The following MOB3B variants were observed in gnomAD, a reference collection of about 807,000 sequenced individuals.
MOB3B encodes MOB kinase activator-like 2B.
A neutral mutation model predicts 18.7 loss-of-function variants in MOB3B; 7 were observed. The observed-to-expected ratio is 0.37, with a 90% CI of 0.21 to 0.70. The LOEUF is 0.70. Ranked by LOEUF, MOB3B falls within the 30% of genes least tolerant of loss-of-function variation. MOB3B has a pLI of 0.52. For synonymous variants in MOB3B, 111 were observed against 99.9 expected (o/e 1.11, Z -0.66); for missense variants, 253 against 281.3 (o/e 0.90, Z 0.72).
At chr9:27,508,774 G>A (rs938937568) in intron 1 of MOB3B, among the ~76,000 whole-genome samples, 1 of 152,134 alleles carries the variant, frequency 6.6e-6, no homozygotes, top group Admixed American at 6.5e-5. Context: ...CAACATTAAT[G>A]TTATGCTTAA....
chr9:27,522,929 T>TATATATATATATATA (rs60042853), intron 1 of MOB3B, among the ~76,000 whole-genome samples: 18 of 151,200 alleles, frequency 1.2e-4, no homozygotes, highest in African/African-American at 3.9e-4. Context: ...ATATATATAT[T>TATATATATATATATA]TTTTTCCGTA....
intron 2 of MOB3B, among the ~76,000 whole-genome samples, chr9:27,390,082 G>GTA (rs916595088): frequency 7.2e-5 from 11 of 151,940 alleles, no homozygotes; most frequent in African/African-American, 2.2e-4. Flanking sequence ...ATATATGTGT[G>GTA]TATATATATA....
At chr9:27,415,750 TA>T (rs1822136254) in intron 2 of MOB3B, among the ~76,000 whole-genome samples, 1 of 152,188 alleles carries the variant, frequency 6.6e-6, no homozygotes, top group South Asian at 2.1e-4. Context: ...GCTTTAGATC[TA>T]AAAACAACTG....
intron 2 of MOB3B, among the ~76,000 whole-genome samples, chr9:27,420,667 A>G (rs1469826638): frequency 6.8e-6 from 1 of 146,780 alleles, no homozygotes; most frequent in African/African-American, 2.5e-5. Flanking sequence ...ATTGGAGACT[A>G]TTATTCTAAG....
At position 27,458,032 on chromosome 9, in the gene MOB3B, T is replaced by C. The variant is rs187634933; in HGVS notation, c.-198-2284A>G. On this transcript the variant is annotated intron_variant, in intron 1 of 3. Transcript: ENST00000262244. ...CAGAGAAAGGGTGGTGAGGACTTGT[T>C]TTTTAAAAAAACAGACAATAGTCCT... Among the ~76,000 whole-genome samples, 52 of 152,300 alleles carry C rather than the reference T, an allele frequency of 3.4e-4. No individual in the cohort carries two copies. The Middle Eastern group carries it at 0.017, about 50-fold the overall frequency.
At chr9:27,375,420 A>G (rs1206823809) in intron 2 of MOB3B, among the ~76,000 whole-genome samples, 2 of 152,200 alleles carry the variant, frequency 1.3e-5, no homozygotes, top group African/African-American at 4.8e-5. Flanking sequence ...AGTTTTCTCC[A>G]TATGTTCTTT....
intron 1 of MOB3B, chr9:27,524,572 T>C (rs771611657): frequency 1.2e-6 from 2 of 1,613,934 alleles, no homozygotes; most frequent in Non-Finnish European, 1.7e-6. Flanking sequence ...ACCCAACCTA[T>C]GAAGAGGGAC....
intron 1 of MOB3B, among the ~76,000 whole-genome samples, chr9:27,468,675 C>T (rs7019827): frequency 0.8 from 121,863 of 152,144 alleles, 49,549 homozygotes; most frequent in African/African-American, 0.85. Flanking sequence ...TGGTACCTAA[C>T]ACAGGACCCA....
chr9:27,448,785 C>T (rs1485877381), intron 2 of MOB3B, among the ~76,000 whole-genome samples: 1 of 152,162 alleles, frequency 6.6e-6, no homozygotes, highest in African/African-American at 2.4e-5. Context: ...CTAGATCCCA[C>T]AGGTGGATTG....
At chr9:27,343,179 A>G (rs886414950) in intron 3 of MOB3B, among the ~76,000 whole-genome samples, 2 of 151,642 alleles carry the variant, frequency 1.3e-5, no homozygotes, top group East Asian at 3.9e-4. Flanking sequence ...CTTTACCCCC[A>G]ACCCCGTGCT....
At chr9:27,397,587 T>G (rs1228189919) in intron 2 of MOB3B, 2 of 152,202 alleles carry the variant, frequency 1.3e-5, no homozygotes, top group Non-Finnish European at 2.9e-5. Flanking sequence ...TCTTTTTCCT[T>G]ATTTAAATAC....
At chr9:27,524,636 A>T in intron 1 of MOB3B, 1 of 1,614,140 alleles carries the variant, frequency 6.2e-7, no homozygotes, top group Non-Finnish European at 8.5e-7. Context: ...TCTTCAGCCA[A>T]CACACCTTCA....
rs10967956 is a variant in MOB3B, at chr9:27,481,670, C to T, written c.-198-25922G>A. Among the ~76,000 whole-genome samples the T allele has an allele frequency of 4.6e-5, 7 of 151,878 alleles. No individual in the cohort carries two copies. The East Asian group carries it at 9.7e-4, about 21-fold the overall frequency. ...CCTCCCAAGTAGCTGGGACTACAGG[C>T]GCCCGCCACCATGCCCAGCTAATTT... On this transcript the variant is annotated intron_variant, in intron 1 of 3. Coordinates refer to ENST00000262244, the MANE Select transcript of MOB3B (RefSeq NM_024761.5).
At chr9:27,338,447 C>G (rs1315860000) in intron 3 of MOB3B, among the ~76,000 whole-genome samples, 8 of 152,170 alleles carry the variant, frequency 5.3e-5, no homozygotes, top group Non-Finnish European at 1.2e-4. Context: ...GCAGCTGGCT[C>G]TCCTTCAGAC....
chr9:27,378,394 C>A (rs1158049797), intron 2 of MOB3B: 1 of 471,686 alleles, frequency 2.1e-6, no homozygotes, highest in Admixed American at 2.3e-5. Flanking sequence ...CAGCTCTGGA[C>A]AAAGTGAACA....
At chr9:27,524,803 A>G in intron 1 of MOB3B, 1 of 1,614,134 alleles carries the variant, frequency 6.2e-7, no homozygotes, top group Non-Finnish European at 8.5e-7. Context: ...AGGGTCCCCC[A>G]GCTGAGCAGC....
chr9:27,373,095 T>C (rs1478287588), intron 2 of MOB3B, among the ~76,000 whole-genome samples: 6 of 152,258 alleles, frequency 3.9e-5, no homozygotes, highest in African/African-American at 1.4e-4. Context: ...TTGTACGTTT[T>C]GATTTACGCA....
intron 1 of MOB3B, among the ~76,000 whole-genome samples, chr9:27,504,973 C>A (rs904080202): frequency 6.6e-6 from 1 of 152,144 alleles, no homozygotes; most frequent in African/African-American, 2.4e-5. Flanking sequence ...ATTGCATCTC[C>A]TCAGACTCTC....
Position 27,359,047 on chromosome 9 carries a change from T to C in MOB3B, c.608A>G (p.Glu203Gly). ...GGTGTCACTTACCAAAGGCTCTAGCTCCTTGCGGTCTATGAGGTTCATCTC... is the reference window on the plus strand; with the variant it reads ...GGTGTCACTTACCAAAGGCTCTAGCCCCTTGCGGTCTATGAGGTTCATCTC... ...VTEMNLIDRK[E>G]LEPLKEMTSR... The change falls in exon 3 of 4, where the codon GAG becomes GGG. Residue 203 changes from glutamate (E) to glycine (G), a missense_variant. Coordinates refer to ENST00000262244, the MANE Select transcript of MOB3B (RefSeq NM_024761.5). 6.2e-7 allele frequency: 1 copy of C among 1,614,174 alleles called. No individual in the cohort carries two copies. The highest frequency in any genetic ancestry group is 1.1e-5 in the South Asian group (1 of 91,084).
Sources: gnomAD v4.1 joint callset for allele counts (sites outside exome capture counted in the v4.1 genomes callset) on GRCh38, gnomAD v4.1.1 for gene constraint, MANE v1.5 for transcripts, NCBI Gene and HGNC (gene_info 2026-07-23, HGNC 2026-07-21) for gene names.